The following LMF1 variants were observed in gnomAD, a reference collection of about 807,000 sequenced individuals.
LMF1 encodes lipase maturation factor 1.
LMF1 carries 68 observed loss-of-function variants against 60.6 expected under a neutral mutation model. The ratio of observed to expected loss-of-function variants is 1.12; its 90% CI spans 0.92 to 1.37. LMF1 has a LOEUF of 1.37. LMF1 is among the 40% of genes most tolerant of loss of function. The pLI is 0.00. For missense variants in LMF1, 948 were observed against 767.2 expected, an observed-to-expected ratio of 1.24 and a Z score of -2.78; for synonymous variants, 418 against 324.7, an observed-to-expected ratio of 1.29 and a Z score of -3.09.
intron 10 of LMF1, among the ~76,000 whole-genome samples, chr16:858,238 A>C (rs139862358): frequency 0.11 from 9 of 82 alleles, 3 homozygotes; most frequent in Admixed American, 0.25. Flanking sequence ...GATGGGTGTG[A>C]GTGGTGTCAC....
intron 3 of LMF1, among the ~76,000 whole-genome samples, chr16:912,506 C>G (rs968898297): frequency 2.6e-5 from 4 of 152,250 alleles, no homozygotes; most frequent in African/African-American, 9.6e-5. Flanking sequence ...CACTGATGTG[C>G]GCCAATTACT....
intron 2 of LMF1, among the ~76,000 whole-genome samples, chr16:941,368 T>G (rs895738033): frequency 6.6e-6 from 1 of 152,120 alleles, no homozygotes; most frequent in Non-Finnish European, 1.5e-5. Context: ...TACAGGCACG[T>G]GCAACTATGC....
At chr16:854,727 G>T in intron 10 of LMF1, 21 bp from the exon 11 acceptor site, 1 of 1,568,272 alleles carries the variant, frequency 6.4e-7, no homozygotes, top group Non-Finnish European at 8.6e-7. Flanking sequence ...GCACATGTCA[G>T]CCCAGGGCCT....
intron 3 of LMF1, among the ~76,000 whole-genome samples, chr16:926,192 T>C (rs1856083146): frequency 6.6e-6 from 1 of 152,206 alleles, no homozygotes; most frequent in South Asian, 2.1e-4. Context: ...TTGCATATGA[T>C]CTGCATACGT....
chr16:978,504 C>A (rs569252148), intron 1 of LMF1, among the ~76,000 whole-genome samples: 1 of 152,314 alleles, frequency 6.6e-6, no homozygotes, highest in Admixed American at 6.5e-5. Flanking sequence ...TTCTTCTCTG[C>A]GGCTGTCCTT....
At chr16:976,458 A>G in intron 1 of LMF1, 1 of 454,086 alleles carries the variant, frequency 2.2e-6, no homozygotes, top group Non-Finnish European at 4.4e-6. Flanking sequence ...TCCAAGTCTC[A>G]GACACCGCCC....
Position 874,340 on chromosome 16 carries a change from C to T in LMF1, c.898-2999G>A, listed in dbSNP as rs1377382679. Reference sequence around the variant, plus strand: ...GGTGCAGCCACCACAGGGCAAGGAGCCCTTTGGGCAGGGCGGGGTGGGGTG... The same window carrying T: ...GGTGCAGCCACCACAGGGCAAGGAGTCCTTTGGGCAGGGCGGGGTGGGGTG... On this transcript the variant is annotated intron_variant, in intron 6 of 10. Coordinates refer to ENST00000262301, the MANE Select transcript of LMF1 (RefSeq NM_022773.4). This position sits in a 1 kb window ranked among gnomAD's most constrained non-coding sequence, Gnocchi z 4.1. Among the ~76,000 whole-genome samples, 1 of 151,922 alleles carries T rather than the reference C, an allele frequency of 6.6e-6. No homozygotes were observed. Among genetic ancestry groups the T allele is most frequent in the Non-Finnish European group, 1.5e-5 (1 of 67,942 alleles).
At chr16:871,401 G>A (rs1821769362) in intron 6 of LMF1, 60 bp from the exon 7 acceptor site, 1 of 1,558,498 alleles carries the variant, frequency 6.4e-7, no homozygotes, top group African/African-American at 1.4e-5. Context: ...CTGGGCAGCT[G>A]GCGCCTCTCT....
At chr16:893,994 C>T (rs1478743555) in intron 4 of LMF1, among the ~76,000 whole-genome samples, 1 of 150,804 alleles carries the variant, frequency 6.6e-6, no homozygotes, top group Non-Finnish European at 1.5e-5. Context: ...CCTGTCCACC[C>T]CACTGTCCAC....
Position 950,779 on chromosome 16 carries a change from G to A in LMF1, c.503+3578C>T, listed in dbSNP as rs1480926193. ...AGCCAACGACAGAGTCAGAGCCAAC[G>A]ACAGAGTCAGCCAATGACAGAGTCA... On this transcript the variant is annotated intron_variant, in intron 2 of 10. Transcript: ENST00000262301. Among the ~76,000 whole-genome samples the A allele has an allele frequency of 5.5e-5, 6 of 108,324 alleles. 2 individuals are homozygous for A. Among genetic ancestry groups the A allele is most frequent in the African/African-American group, 2.3e-4 (5 of 21,814 alleles). 71.1% of individuals were successfully genotyped at this position (108,324 alleles called of 152,430 possible).
intron 6 of LMF1, among the ~76,000 whole-genome samples, chr16:876,322 G>A (rs141714609): frequency 1.4e-3 from 220 of 152,358 alleles, no homozygotes; most frequent in Non-Finnish European, 2.6e-3. Context: ...CGTGGAGACG[G>A]AGGGTCGGCG....
chr16:978,850 C>T (rs2073252743), intron 1 of LMF1, among the ~76,000 whole-genome samples: 1 of 152,152 alleles, frequency 6.6e-6, no homozygotes, highest in East Asian at 1.9e-4. Flanking sequence ...CCACTCTCCA[C>T]CCCCGGGTCC....
chr16:970,566 G>C (rs984728478), intron 1 of LMF1, among the ~76,000 whole-genome samples: 1 of 152,198 alleles, frequency 6.6e-6, no homozygotes, highest in Non-Finnish European at 1.5e-5. Context: ...CAGGAGCCCA[G>C]GCCGGAGGCT....
In LMF1 at chr16:869,997, G is replaced by A. The variant is rs1219968847; in HGVS notation, c.1302C>T (p.Ala434=). 2 of 1,613,184 alleles carry A rather than the reference G, an allele frequency of 1.2e-6. No homozygotes were observed. The highest frequency in any genetic ancestry group is 2.2e-5 in the East Asian group (1 of 44,882). The part of the protein sequence containing the change: ...TASSNASAPD[A]MWEDYEFKCK... ...ACTTGAACTCGTAGTCCTCCCACAT[G>A]GCATCGGGGGCGCTGGCGTTGGAGC... Residue 434 remains alanine, a synonymous_variant, in exon 9 of 11, where the codon GCC becomes GCT. Transcript: ENST00000262301.
At chr16:866,866 C>T (rs1218968936) in intron 10 of LMF1, among the ~76,000 whole-genome samples, 5 of 152,146 alleles carry the variant, frequency 3.3e-5, no homozygotes, top group Non-Finnish European at 5.9e-5. Flanking sequence ...AAAATGAGGC[C>T]GAAAGCAAGC....
At chr16:979,577 T>G (rs1258698517) in intron 1 of LMF1, 2 of 451,210 alleles carry the variant, frequency 4.4e-6, no homozygotes, top group Non-Finnish European at 8.9e-6. Context: ...TCTCCCTTCC[T>G]CCAGGGGTGC....
intron 1 of LMF1, chr16:968,379 T>A (rs1471267431): frequency 3.9e-5 from 6 of 152,364 alleles, no homozygotes; most frequent in African/African-American, 1.4e-4. Flanking sequence ...ACAGAATACA[T>A]TTGGTTATGT....
In LMF1 at chr16:871,307, A is replaced by G; in HGVS notation, c.932T>C (p.Leu311Pro). Residue 311 changes from leucine (L) to proline (P), a missense_variant, in exon 7 of 11, where the codon CTG (leucine) becomes CCG (proline). By Grantham distance (98) the Leu-to-Pro change is moderately conservative. Coordinates refer to ENST00000262301, the MANE Select transcript of LMF1 (RefSeq NM_022773.4). ...VLIVSGNLSF[L>P]NWLTMVPSLA... ...GCTGGGCACCATAGTCAGCCAGTTC[A>G]GGAAGCTGAGGTTCCCGCTGACGAT... is the stretch of plus-strand genomic sequence containing the variant. 1 of 1,612,426 alleles carries G rather than the reference A, an allele frequency of 6.2e-7. No homozygotes were observed. Among genetic ancestry groups the G allele is most frequent in the Middle Eastern group, 1.7e-4 (1 of 5,982 alleles).
At chr16:862,292 C>T (rs556107732) in intron 10 of LMF1, among the ~76,000 whole-genome samples, 1 of 152,000 alleles carries the variant, frequency 6.6e-6, no homozygotes, top group African/African-American at 2.4e-5. Context: ...TATAGGCAGC[C>T]ACCACCATGC....
Sources: allele counts gnomAD v4.1 joint callset (sites outside exome capture counted in the v4.1 genomes callset), GRCh38; gene constraint gnomAD v4.1.1; non-coding constraint Gnocchi (gnomAD v3.1); transcripts MANE v1.5; gene names NCBI Gene and HGNC (gene_info 2026-07-23, HGNC 2026-07-21).